Variants in FANCA observed in about 807,000 individuals in gnomAD.
FANCA encodes Fanconi anemia group A protein.
A neutral mutation model predicts 194.3 loss-of-function variants in FANCA; 236 were observed. That is an observed-to-expected ratio of 1.21 (90% CI 1.09 to 1.35). FANCA has a LOEUF of 1.35. FANCA is among the 40% of genes most tolerant of loss of function. The pLI, the probability that FANCA is intolerant of heterozygous loss-of-function variation, is 0.00. For missense variants in FANCA, 2,628 were observed against 1,813.9 expected (o/e 1.45, Z -8.15); for synonymous variants, 1,014 against 715.8 (o/e 1.42, Z -6.65).
chr16:89,778,499 A>C, intron 20 of FANCA: 1 of 356,770 alleles, frequency 2.8e-6, no homozygotes, highest in Non-Finnish European at 5.1e-6. Context: ...AGCCAGGCAC[A>C]GGCTTGTAAT....
intron 6 of FANCA, among the ~76,000 whole-genome samples, chr16:89,807,473 C>T (rs2040700304): frequency 6.6e-6 from 1 of 151,388 alleles, no homozygotes; most frequent in Non-Finnish European, 1.5e-5. Context: ...AAAAAGGCCG[C>T]GCGAGGTGGC....
chr16:89,813,024 C>T (rs774582244), intron 3 of FANCA, among the ~76,000 whole-genome samples: 11 of 123,756 alleles, frequency 8.9e-5, no homozygotes, highest in Non-Finnish European at 9.8e-5. Flanking sequence ...CAGAGCAACA[C>T]TTCGTCTCAA....
intron 3 of FANCA, 116 bp downstream of exon 3, chr16:89,814,404 C>G (rs1421607651): frequency 1.9e-5 from 14 of 738,014 alleles, no homozygotes; most frequent in Non-Finnish European, 3.1e-5. Context: ...ACTACACACA[C>G]CAGTGGAAAC....
intron 30 of FANCA, 131 bp downstream of exon 30, chr16:89,758,446 G>T: frequency 3.9e-6 from 4 of 1,029,616 alleles, no homozygotes; most frequent in Non-Finnish European, 6.0e-6. Flanking sequence ...TGACATTTGG[G>T]TATAGGCTGG....
At chr16:89,769,620 TATA>T in intron 26 of FANCA, 1 of 621,082 alleles carries the variant, frequency 1.6e-6, no homozygotes, top group Non-Finnish European at 2.9e-6. Flanking sequence ...AGCAGTTTAG[TATA>T]ATATGATCTC....
At chr16:89,794,431 T>C (rs2040175440) in intron 11 of FANCA, among the ~76,000 whole-genome samples, 1 of 150,796 alleles carries the variant, frequency 6.6e-6, no homozygotes, top group Admixed American at 6.6e-5. Flanking sequence ...GCGCCTGTAA[T>C]TCAAGCTTGG....
chr16:89,750,930 T>A (rs1009521796), intron 31 of FANCA, among the ~76,000 whole-genome samples: 1 of 152,222 alleles, frequency 6.6e-6, no homozygotes, highest in Admixed American at 6.5e-5. Context: ...CTCAGTCCGG[T>A]TGCCCAGGCT....
At chr16:89,783,232 A>C in intron 15 of FANCA, 130 bp from the exon 16 acceptor site, 1 of 735,980 alleles carries the variant, frequency 1.4e-6, no homozygotes, top group Admixed American at 2.0e-5. Context: ...CAGACTTATG[A>C]GTATGCAAAG....
chr16:89,807,720 T>C (rs2040712714), intron 6 of FANCA, among the ~76,000 whole-genome samples: 1 of 151,560 alleles, frequency 6.6e-6, no homozygotes, highest in South Asian at 2.1e-4. Flanking sequence ...CAGTCTCTAC[T>C]AAAAATACAA....
At chr16:89,816,493 G>A (rs1422536106) in intron 1 of FANCA, 44 bp downstream of exon 1, 8 of 1,451,730 alleles carry the variant, frequency 5.5e-6, no homozygotes, top group South Asian at 1.3e-5. Flanking sequence ...AAACCGTCCC[G>A]GGCCGGACGC....
rs773327440 is a variant in FANCA at position 89,739,304 on chromosome 16, A to G, written c.4011-15T>C. On this transcript the variant is annotated splice_polypyrimidine_tract_variant and intron_variant, in intron 40 of 42. Coordinates refer to ENST00000389301, the MANE Select transcript of FANCA (RefSeq NM_000135.4). ...AGGAGAGAAGACTAGAGGTAAAGACATAGTGACAAATGGCTACAGACTGCT... is the reference window on the plus strand; with the variant it reads ...AGGAGAGAAGACTAGAGGTAAAGACGTAGTGACAAATGGCTACAGACTGCT... The G allele has an allele frequency of 7.4e-6, 12 of 1,613,988 alleles. No homozygotes were observed. In the African/African-American group the frequency reaches 8.0e-5, roughly 11 times the overall value.
chr16:89,795,050 C>T (rs954293868), intron 11 of FANCA, among the ~76,000 whole-genome samples: 1 of 152,176 alleles, frequency 6.6e-6, no homozygotes, highest in Middle Eastern at 3.4e-3. Flanking sequence ...TTTGGGAGGC[C>T]GAGACGGGCG....
chr16:89,738,527 A>G lies in FANCA; in HGVS notation c.*74T>C, dbSNP rs964506692. ...AGATTTGTAATCCACTTTTTAGTGC[A>G]ACAAGAGCTCCATGTTATGCTTGTA... is the stretch of plus-strand genomic sequence containing the variant. On this transcript the variant is annotated 3_prime_UTR_variant, in exon 43 of 43. Coordinates refer to ENST00000389301, the MANE Select transcript of FANCA (RefSeq NM_000135.4). 37 of 1,604,404 alleles carry G rather than the reference A, an allele frequency of 2.3e-5. No individual in the cohort carries two copies. Among genetic ancestry groups the G allele is most frequent in the Middle Eastern group, 4.4e-4 (2 of 4,572 alleles).
intron 17 of FANCA, among the ~76,000 whole-genome samples, chr16:89,781,447 G>A (rs1039517993): frequency 1.0e-4 from 15 of 148,424 alleles, no homozygotes; most frequent in African/African-American, 3.7e-4. Context: ...GCCAAGGCGG[G>A]CAGATCACGA....
chr16:89,767,322 G>GTA (rs1239841816), intron 26 of FANCA, 85 bp from the exon 27 acceptor site: 4 of 968,970 alleles, frequency 4.1e-6, no homozygotes, highest in Non-Finnish European at 4.9e-6. Flanking sequence ...TCATAAAACT[G>GTA]AATTTAGTGC....
chr16:89,784,382 CA>C (rs1390304370), intron 15 of FANCA, among the ~76,000 whole-genome samples: 1 of 105,998 alleles, frequency 9.4e-6, no homozygotes, highest in African/African-American at 3.7e-5. Flanking sequence ...AAAAAAAACC[CA>C]AAAAAACAAA....
chr16:89,810,895 C>T (rs763244931), intron 4 of FANCA, 34 bp downstream of exon 4: 12 of 1,614,002 alleles, frequency 7.4e-6, no homozygotes, highest in East Asian at 4.5e-5. Context: ...AAAGTAACAA[C>T]GGGCAGGTTT....
intron 3 of FANCA, among the ~76,000 whole-genome samples, chr16:89,812,920 C>G (rs1224257311): frequency 6.6e-6 from 1 of 150,904 alleles, no homozygotes; most frequent in Non-Finnish European, 1.5e-5. Flanking sequence ...ATAATCCCAG[C>G]TATTCGGGAG....
intron 30 of FANCA, among the ~76,000 whole-genome samples, chr16:89,753,423 G>A (rs2038665044): frequency 6.6e-6 from 1 of 152,112 alleles, no homozygotes; most frequent in South Asian, 2.1e-4. Flanking sequence ...CGCACACAGG[G>A]AGAGACCCAC....
Sources: allele counts gnomAD v4.1 joint callset (sites outside exome capture counted in the v4.1 genomes callset), GRCh38; gene constraint gnomAD v4.1.1; transcripts MANE v1.5; gene names NCBI Gene and HGNC (gene_info 2026-07-23, HGNC 2026-07-21).